RARS2: variants seen among roughly 807,000 people sequenced by gnomAD.
The protein encoded by RARS2 is probable arginine--tRNA ligase, mitochondrial.
RARS2 carries 67 observed loss-of-function variants against 88.5 expected under a neutral mutation model. The ratio of observed to expected loss-of-function variants is 0.76; its 90% confidence interval spans 0.62 to 0.93. RARS2 has a LOEUF of 0.93. Among genes scored for constraint, RARS2 ranks in the 40% least tolerant of loss-of-function variants. The pLI is 0.00. For synonymous variants in RARS2, 239 were observed against 230.3 expected (o/e 1.04, Z -0.34); for missense variants, 664 against 684.2 (o/e 0.97, Z 0.33).
At chr6:87,569,191 C>G (rs1339482313) in intron 2 of RARS2, among the ~76,000 whole-genome samples, 2 of 152,118 alleles carry the variant, frequency 1.3e-5, no homozygotes, top group Non-Finnish European at 1.5e-5. Context: ...GAGATTCTAA[C>G]CACAATTTTA....
intron 8 of RARS2, among the ~76,000 whole-genome samples, chr6:87,537,360 G>A (rs1300603697): frequency 6.6e-6 from 1 of 152,216 alleles, no homozygotes; most frequent in African/African-American, 2.4e-5. Flanking sequence ...GACATTCACT[G>A]CATAGAGCAC....
chr6:87,561,995 C>A (rs543625239), intron 4 of RARS2, among the ~76,000 whole-genome samples: 3 of 152,152 alleles, frequency 2.0e-5, no homozygotes, highest in Non-Finnish European at 4.4e-5. Flanking sequence ...GACAAGGTCT[C>A]GCTCTGTCAC....
chr6:87,533,357 T>G (rs193199395), intron 8 of RARS2, among the ~76,000 whole-genome samples: 1 of 152,336 alleles, frequency 6.6e-6, no homozygotes, highest in East Asian at 1.9e-4. Context: ...CAACTGACAC[T>G]ATCAAAGAGA....
chr6:87,588,643 G>A (rs1162321400), intron 1 of RARS2, among the ~76,000 whole-genome samples: 1 of 152,176 alleles, frequency 6.6e-6, no homozygotes, highest in Non-Finnish European at 1.5e-5. Flanking sequence ...CCAAAGTGCT[G>A]GGATTATAGG....
At chr6:87,558,564 C>T (rs952708977) in intron 4 of RARS2, among the ~76,000 whole-genome samples, 13 of 152,166 alleles carry the variant, frequency 8.5e-5, no homozygotes, top group African/African-American at 2.9e-4. Flanking sequence ...TGATGAACCA[C>T]ATATATACAA....
intron 17 of RARS2, among the ~76,000 whole-genome samples, chr6:87,517,793 C>T (rs746075364): frequency 1.5e-4 from 23 of 152,146 alleles, no homozygotes; most frequent in Non-Finnish European, 2.8e-4. Flanking sequence ...GAAGGACTTA[C>T]GGTCTCTGGG....
intron 4 of RARS2, 64 bp from the exon 5 acceptor site, chr6:87,555,569 T>C (rs1008123298): frequency 2.4e-5 from 31 of 1,291,096 alleles, no homozygotes; most frequent in Middle Eastern, 3.7e-4. Flanking sequence ...ACTCTGTTAC[T>C]GAGAATTAAA....
At chr6:87,553,233 G>C (rs893824180) in intron 5 of RARS2, among the ~76,000 whole-genome samples, 1 of 151,206 alleles carries the variant, frequency 6.6e-6, no homozygotes, top group Non-Finnish European at 1.5e-5. Context: ...AGAGATGCCT[G>C]GCTAGAGAAG....
chr6:87,555,800 GAAGTA>G (rs1410268099), intron 4 of RARS2, among the ~76,000 whole-genome samples: 3 of 152,204 alleles, frequency 2.0e-5, no homozygotes. Flanking sequence ...GAAGCTTGGT[GAAGTA>G]AAGTAACAAC....
chr6:87,566,648 T>C lies in RARS2; in HGVS notation c.111-2416A>G, dbSNP rs186390777. Reference sequence around the variant, plus strand: ...TTGCTTGAGCTGAGGAGTTCAAGACTAGCCTGGGCAATGTAGGCAGACATC... The same window carrying C: ...TTGCTTGAGCTGAGGAGTTCAAGACCAGCCTGGGCAATGTAGGCAGACATC... On this transcript the variant is annotated intron_variant, in intron 2 of 19. Transcript: ENST00000369536. 3.7e-3 allele frequency among the ~76,000 whole-genome samples: 565 copies of C among 151,892 alleles called. 5 individuals are homozygous for C. The highest frequency in any genetic ancestry group is 0.013 in the African/African-American group (523 of 41,424).
chr6:87,531,620 T>C (rs1320095314), intron 8 of RARS2, among the ~76,000 whole-genome samples: 4 of 151,934 alleles, frequency 2.6e-5, no homozygotes, highest in African/African-American at 9.7e-5. Flanking sequence ...TCTTCTGGAG[T>C]TTTATTTTGC....
chr6:87,520,065 C>A, intron 13 of RARS2, 115 bp downstream of exon 13: 1 of 905,084 alleles, frequency 1.1e-6, no homozygotes, highest in Non-Finnish European at 1.8e-6. Context: ...TCTACCTTTC[C>A]ACACCAGTAT....
chr6:87,529,696 C>T, intron 9 of RARS2, 48 bp from the exon 10 acceptor site: 1 of 1,357,992 alleles, frequency 7.4e-7, no homozygotes, highest in Non-Finnish European at 1.1e-6. Context: ...AATTGAATCT[C>T]CTATTCTTAC....
chr6:87,575,018 T>C (rs1770947015), intron 1 of RARS2, among the ~76,000 whole-genome samples: 1 of 151,608 alleles, frequency 6.6e-6, no homozygotes, highest in Admixed American at 6.6e-5. Context: ...CAAACAAACA[T>C]GCAGACAGGA....
intron 1 of RARS2, among the ~76,000 whole-genome samples, 157 bp from the exon 2 acceptor site, chr6:87,569,747 T>C (rs1769054091): frequency 6.6e-6 from 1 of 152,130 alleles, no homozygotes; most frequent in Non-Finnish European, 1.5e-5. Flanking sequence ...AGGTATATAG[T>C]GTATGATTCA....
At position 87,530,876 on chromosome 6, in the gene RARS2, A is replaced by C; in HGVS notation, c.679T>G (p.Phe227Val). Residue 227 changes from phenylalanine to valine, a missense_variant, in exon 9 of 20, where the codon TTC (phenylalanine) becomes GTC (valine). Physicochemically the swap from Phe to Val is conservative, Grantham distance 50. Coordinates refer to ENST00000369536, the MANE Select transcript of RARS2 (RefSeq NM_020320.5). ...KSVAKAAQEF[F>V]QRLELGDVQA... is the part of the protein sequence containing the mutation. ...ACATCGCCCAGTTCCAATCGTTGGA[A>C]GAACTCCTGTGCTGCTTTTGCTACA... 1 of 1,614,220 alleles carries C rather than the reference A, an allele frequency of 6.2e-7. No homozygotes were observed. Among genetic ancestry groups the C allele is most frequent in the Non-Finnish European group, 8.5e-7 (1 of 1,180,020 alleles).
intron 7 of RARS2, among the ~76,000 whole-genome samples, chr6:87,545,333 C>CT (rs930261893): frequency 3.3e-5 from 5 of 152,198 alleles, no homozygotes; most frequent in Non-Finnish European, 7.3e-5. Context: ...ATCCACCCGC[C>CT]TTGGCCTCCC....
At chr6:87,562,840 T>G in intron 3 of RARS2, 55 bp from the exon 4 acceptor site, 64 of 1,277,464 alleles carry the variant, frequency 5.0e-5, no homozygotes, top group Non-Finnish European at 6.5e-5. Flanking sequence ...CCTAATGAGA[T>G]AGGTAGTTCT....
chr6:87,531,024 A>G, intron 8 of RARS2, 82 bp from the exon 9 acceptor site: 1 of 1,577,606 alleles, frequency 6.3e-7, no homozygotes, highest in South Asian at 1.1e-5. Context: ...AAAAAAGCAC[A>G]TTCTGAGAAT....
Sources: gnomAD v4.1 joint callset for allele counts (sites outside exome capture counted in the v4.1 genomes callset) on GRCh38, gnomAD v4.1.1 for gene constraint, MANE v1.5 for transcripts, NCBI Gene and HGNC (gene_info 2026-07-23, HGNC 2026-07-21) for gene names.